The following KLRG1 variants were observed in gnomAD, a reference collection of about 807,000 sequenced individuals.
The protein encoded by KLRG1 is killer cell lectin like receptor G1.
In KLRG1, 16 loss-of-function variants were observed where a neutral mutation model predicts 21.8. That is an observed-to-expected ratio of 0.73 (90% CI 0.50 to 1.11). KLRG1 has a LOEUF of 1.11. KLRG1 is among the 50% of genes most tolerant of loss of function. The pLI, the probability that KLRG1 is intolerant of heterozygous loss-of-function variation, is 0.00. For missense variants in KLRG1, 173 were observed against 218.3 expected (o/e 0.79, Z 1.31); for synonymous variants, 69 against 75.9 (o/e 0.91, Z 0.47).
the KLRG1 span, among the ~76,000 whole-genome samples, chr12:9,123,170 G>C: frequency 6.6e-6 from 1 of 151,996 alleles, no homozygotes; most frequent in African/African-American, 2.4e-5. Flanking sequence ...GTATATAGTA[G>C]TTCCCCTTAT....
At chr12:9,052,944 T>A in the KLRG1 span, 200,527 of 402,108 alleles carry the variant, frequency 0.5, 53,317 homozygotes, top group African/African-American at 0.75. Flanking sequence ...TACATTTTTT[T>A]AATCTCCTTA....
At chr12:9,015,054 G>A (rs1320794208), downstream of KLRG1, among the ~76,000 whole-genome samples, 1 of 152,084 alleles carries the variant, frequency 6.6e-6, no homozygotes, top group African/African-American at 2.4e-5. Context: ...CATACCGCCA[G>A]AGGAAATCAC....
chr12:9,154,582 A>C, the KLRG1 span: 1 of 1,591,514 alleles, frequency 6.3e-7, no homozygotes, highest in Non-Finnish European at 8.6e-7. Flanking sequence ...TGCCAAGTGA[A>C]CCTGGAGCAG....
At chr12:9,095,016 C>T in the KLRG1 span, 1 of 1,593,424 alleles carries the variant, frequency 6.3e-7, no homozygotes, top group African/African-American at 1.3e-5. Flanking sequence ...GCATTTCATA[C>T]TGTTGAAGCT....
At chr12:9,093,549 C>T in the KLRG1 span, 22 of 1,608,374 alleles carry the variant, frequency 1.4e-5, no homozygotes, top group Admixed American at 5.1e-5. Flanking sequence ...ATGCACCAGG[C>T]GTGCATGGCC....
chr12:9,157,044 C>A, the KLRG1 span: 1 of 750,968 alleles, frequency 1.3e-6, no homozygotes, highest in South Asian at 2.6e-5. Context: ...GTTATTAGGT[C>A]CCCCATGCAT....
At chr12:9,013,597 T>C (rs1207656013), downstream of KLRG1, among the ~76,000 whole-genome samples, 1 of 152,110 alleles carries the variant, frequency 6.6e-6, no homozygotes, top group Non-Finnish European at 1.5e-5. Context: ...ACAATTATGG[T>C]AGAAGGTGAA....
At chr12:9,177,306 C>T in the KLRG1 span, among the ~76,000 whole-genome samples, 1 of 152,210 alleles carries the variant, frequency 6.6e-6, no homozygotes, top group Non-Finnish European at 1.5e-5. Flanking sequence ...CCTAGGACCT[C>T]TGTGTGGTGA....
At chr12:8,970,111 G>T in intron 1 of KLRG1, among the ~76,000 whole-genome samples, 1 of 152,178 alleles carries the variant, frequency 6.6e-6, no homozygotes, top group East Asian at 1.9e-4. Context: ...GGGAGACCTT[G>T]TCTCAAAAAA....
At chr12:9,167,255 T>C in the KLRG1 span, 1 of 152,228 alleles carries the variant, frequency 6.6e-6, no homozygotes, top group African/African-American at 2.4e-5. Context: ...CTCCAGTTAT[T>C]GCAGTTAACA....
chr12:9,091,568 G>A, the KLRG1 span: 1 of 844,446 alleles, frequency 1.2e-6, no homozygotes, highest in South Asian at 1.9e-5. Flanking sequence ...GTATAATCAA[G>A]GATTGAGATG....
chr12:8,956,438 C>T (rs770694519), intron 1 of KLRG1, among the ~76,000 whole-genome samples: 7 of 152,072 alleles, frequency 4.6e-5, no homozygotes, highest in Non-Finnish European at 7.4e-5. Flanking sequence ...ACACCCCCCA[C>T]CGCATTTTTT....
chr12:9,169,602 G>A, the KLRG1 span: 1 of 1,581,670 alleles, frequency 6.3e-7, no homozygotes. Flanking sequence ...CTGTAGCAGT[G>A]GGGGGATCAA....
the KLRG1 span, among the ~76,000 whole-genome samples, chr12:9,056,405 C>T: frequency 3.9e-5 from 6 of 152,144 alleles, no homozygotes; most frequent in African/African-American, 1.2e-4. Flanking sequence ...GGGGGGATCA[C>T]GCGGGTATGT....
chr12:9,095,487 G>A, the KLRG1 span: 2 of 1,533,832 alleles, frequency 1.3e-6, no homozygotes, highest in East Asian at 2.3e-5. Context: ...TTTTCCATGT[G>A]TAATATTTTA....
At chr12:9,093,585 G>A in the KLRG1 span, 1 of 1,118,014 alleles carries the variant, frequency 8.9e-7, no homozygotes. Flanking sequence ...TGACTCTATG[G>A]TGAGTGAGGA....
chr12:9,046,601 A>C, the KLRG1 span, among the ~76,000 whole-genome samples: 1 of 152,234 alleles, frequency 6.6e-6, no homozygotes, highest in Non-Finnish European at 1.5e-5. Flanking sequence ...GAGTGGAGTG[A>C]AATATTTAAA....
At chr12:9,114,128 A>G in the KLRG1 span, among the ~76,000 whole-genome samples, 1 of 152,184 alleles carries the variant, frequency 6.6e-6, no homozygotes, top group Non-Finnish European at 1.5e-5. Flanking sequence ...GTGTTACCTA[A>G]CCATGGATGT....
the KLRG1 span, among the ~76,000 whole-genome samples, chr12:9,125,914 T>C: frequency 2.0e-5 from 3 of 152,174 alleles, no homozygotes; most frequent in South Asian, 6.2e-4. Flanking sequence ...TTTGTATTTT[T>C]AGTAGAGACG....
Sources: gnomAD v4.1 joint callset for allele counts (sites outside exome capture counted in the v4.1 genomes callset) on GRCh38, gnomAD v4.1.1 for gene constraint, MANE v1.5 for transcripts, NCBI Gene and HGNC (gene_info 2026-07-23, HGNC 2026-07-21) for gene names.